The following XDH variants were observed in gnomAD, a reference collection of about 807,000 sequenced individuals.
The protein encoded by XDH is xanthine dehydrogenase.
In XDH, 138 loss-of-function variants were observed where a neutral mutation model predicts 156.1. That is an observed-to-expected ratio of 0.88 (90% confidence interval 0.77 to 1.02). The LOEUF (loss-of-function observed/expected upper bound fraction) is 1.02. Ranked by LOEUF, XDH falls within the 50% of genes least tolerant of loss-of-function variation. XDH has a pLI of 0.00. For missense variants in XDH, 1,849 were observed against 1,684.9 expected, an observed-to-expected ratio of 1.10 and a Z score of -1.71; for synonymous variants, 669 against 625.7, an observed-to-expected ratio of 1.07 and a Z score of -1.03.
At chr2:31,352,035 C>T (rs1054416738) in intron 24 of XDH, among the ~76,000 whole-genome samples, 3 of 152,132 alleles carry the variant, frequency 2.0e-5, no homozygotes, top group Admixed American at 6.5e-5. Flanking sequence ...AGTGTATGCC[C>T]ATCAGTTTTG....
chr2:31,368,181 T>A (rs1443333417), intron 19 of XDH, 124 bp from the exon 20 acceptor site: 2 of 885,342 alleles, frequency 2.3e-6, no homozygotes, highest in African/African-American at 3.3e-5. Context: ...AATCTCTATA[T>A]GCTTCACATA....
intron 6 of XDH, 95 bp downstream of exon 6, chr2:31,397,573 G>A (rs1686944480): frequency 4.8e-6 from 7 of 1,446,608 alleles, no homozygotes; most frequent in South Asian, 1.1e-5. Context: ...ATCATTGTTT[G>A]TAGACCAGAG....
At position 31,337,644 on chromosome 2, in the gene XDH, G is replaced by A. The variant is rs1169348675; in HGVS notation, c.3948C>T (p.Thr1316=). The change falls in exon 35 of 36, where the codon ACC becomes ACT. Residue 1316 remains threonine (T), a synonymous_variant. Transcript: ENST00000379416. The part of the protein sequence containing the change: ...IRNACVDKFT[T]LCVTGVPENC... ...GGATGCTTGAGGGGCATCATACCAG[G>A]GTGGTGAACTTGTCCACGCAGGCAT... 6.2e-6 allele frequency: 10 copies of A among 1,613,868 alleles called. No homozygotes were observed. The highest frequency in any genetic ancestry group is 7.6e-6 in the Non-Finnish European group (9 of 1,180,036).
At chr2:31,358,789 C>T (rs1685696406) in intron 24 of XDH, among the ~76,000 whole-genome samples, 1 of 151,972 alleles carries the variant, frequency 6.6e-6, no homozygotes, top group Non-Finnish European at 1.5e-5. Flanking sequence ...AAAAAACAAA[C>T]AAACAAACAA....
At chr2:31,342,554 G>C (rs961798911) in intron 31 of XDH, among the ~76,000 whole-genome samples, 1 of 152,124 alleles carries the variant, frequency 6.6e-6, no homozygotes, top group Non-Finnish European at 1.5e-5. Flanking sequence ...GCAGTGTTTA[G>C]TACCATGCTA....
Position 31,367,004 on chromosome 2 carries a change from C to T in XDH, c.2198-10G>A. On this transcript the variant is annotated splice_polypyrimidine_tract_variant and intron_variant, in intron 20 of 35. Coordinates refer to ENST00000379416, the MANE Select transcript of XDH (RefSeq NM_000379.4). The stretch of plus-strand genomic sequence containing the variant: ...CCGATGTATATCTCCCCTGGGGAAG[C>T]AGTGAGATCCCTCACAGTGAGCCCA... 1 of 1,614,134 alleles carries T rather than the reference C, an allele frequency of 6.2e-7. No homozygotes were observed. The highest frequency in any genetic ancestry group is 8.5e-7 in the Non-Finnish European group (1 of 1,179,970).
chr2:31,360,092 G>A (rs1301974707), intron 24 of XDH, among the ~76,000 whole-genome samples: 1 of 152,234 alleles, frequency 6.6e-6, no homozygotes, highest in East Asian at 1.9e-4. Context: ...TTAGAGCACA[G>A]GAGCAGTAAC....
At chr2:31,407,490 A>G (rs532207552) in intron 1 of XDH, among the ~76,000 whole-genome samples, 1 of 152,296 alleles carries the variant, frequency 6.6e-6, no homozygotes, top group South Asian at 2.1e-4. Context: ...GACTTCCCCA[A>G]ACTGGAGGCT....
intron 15 of XDH, among the ~76,000 whole-genome samples, chr2:31,374,328 G>A (rs749711265): frequency 6.6e-6 from 1 of 152,154 alleles, no homozygotes; most frequent in Non-Finnish European, 1.5e-5. Flanking sequence ...TATGGAAAAT[G>A]TTCACAATAT....
rs2148767511 is a variant in XDH at position 31,366,093 on chromosome 2, A to G, written c.2339T>C (p.Met780Thr). The G allele has an allele frequency of 2.5e-6, 4 of 1,614,090 alleles. No homozygotes were observed. In the African/African-American group the frequency reaches 5.3e-5, roughly 22 times the overall value. ...AATCCGGTTTGCTGGAACCCCCAAC[A>G]TTTTTGCAACAAAGCTCTGTGAGTG... The part of the protein sequence containing the change: ...TMKTQSFVAK[M>T]LGVPANRIVV... Residue 780 changes from methionine to threonine, a missense_variant, in exon 22 of 36, where the codon ATG becomes ACG. Met to Thr is a moderately conservative substitution (Grantham distance 81). Coordinates refer to ENST00000379416, the MANE Select transcript of XDH (RefSeq NM_000379.4).
At chr2:31,382,550 C>A (rs1230209105) in intron 11 of XDH, among the ~76,000 whole-genome samples, 1 of 152,132 alleles carries the variant, frequency 6.6e-6, no homozygotes, top group African/African-American at 2.4e-5. Context: ...AGGTGTATTC[C>A]TCCCTCTGTG....
intron 33 of XDH, among the ~76,000 whole-genome samples, chr2:31,340,486 T>C (rs370218252): frequency 3.3e-4 from 51 of 152,332 alleles, no homozygotes; most frequent in African/African-American, 1.2e-3. Flanking sequence ...ATTTATTTTT[T>C]TGAGACTGAG....
At chr2:31,353,322 G>A (rs66479838) in intron 24 of XDH, among the ~76,000 whole-genome samples, 7,422 of 152,106 alleles carry the variant, frequency 0.049, 284 homozygotes, top group African/African-American at 0.1. Flanking sequence ...AAAAGCACAC[G>A]ATAATTACTG....
In XDH at chr2:31,388,230, G is replaced by C. The variant is rs191822672; in HGVS notation, c.561C>G (p.His187Gln). ...PNCCMNQKKDHSVSLSPSLFK... is the reference protein window; with the variant it reads ...PNCCMNQKKDQSVSLSPSLFK... ...AGGGGGAGAAGAACTCACTTACTGA[G>C]TGGTCTTTCTTCTGGTTCATGCAGC... Residue 187 changes from histidine to glutamine, a missense_variant, in exon 7 of 36, where the codon CAC (histidine) becomes CAG (glutamine). Physicochemically the swap from His to Gln is conservative, Grantham distance 24 (BLOSUM62 0). Coordinates refer to ENST00000379416, the MANE Select transcript of XDH (RefSeq NM_000379.4). 1.1e-5 allele frequency: 18 copies of C among 1,614,192 alleles called. No individual in the cohort carries two copies. The African/African-American group carries it at 1.9e-4, about 17-fold the overall frequency.
chr2:31,337,845 G>A (rs1685009611), intron 34 of XDH, 28 bp from the exon 35 acceptor site: 2 of 1,609,276 alleles, frequency 1.2e-6, no homozygotes, highest in Non-Finnish European at 1.7e-6. Context: ...ACAGGGCAGG[G>A]GCTCAGGCAG....
chr2:31,411,747 C>A (rs1158067406), intron 1 of XDH, among the ~76,000 whole-genome samples: 1 of 152,208 alleles, frequency 6.6e-6, no homozygotes, highest in Non-Finnish European at 1.5e-5. Flanking sequence ...AGAAGAGCAT[C>A]TCATGCTGCT....
chr2:31,393,379 A>G (rs1441583697), intron 6 of XDH, among the ~76,000 whole-genome samples: 2 of 152,282 alleles, frequency 1.3e-5, no homozygotes, highest in Admixed American at 1.3e-4. Flanking sequence ...ATTATTTTTA[A>G]TGCCCCTCTT....
At chr2:31,365,645 T>C in intron 22 of XDH, 101 bp from the exon 23 acceptor site, 4 of 1,386,250 alleles carry the variant, frequency 2.9e-6, no homozygotes, top group Non-Finnish European at 4.1e-6. Context: ...CTTTTCCACC[T>C]GCACGCTGAG....
intron 23 of XDH, among the ~76,000 whole-genome samples, 194 bp downstream of exon 23, chr2:31,365,263 G>T (rs750021516): frequency 6.6e-6 from 1 of 152,168 alleles, no homozygotes; most frequent in African/African-American, 2.4e-5. Context: ...TGGGAGATGG[G>T]GTGCCAGCCT....
Sources: allele counts gnomAD v4.1 joint callset (sites outside exome capture counted in the v4.1 genomes callset), GRCh38; gene constraint gnomAD v4.1.1; transcripts MANE v1.5; gene names NCBI Gene and HGNC (gene_info 2026-07-23, HGNC 2026-07-21).